PEAK3: variants seen among roughly 807,000 people sequenced by gnomAD.
The protein encoded by PEAK3 is PEAK family member 3, also known as protein PEAK3.
In PEAK3, 15 loss-of-function variants were observed where a neutral mutation model predicts 13.3. The ratio of observed to expected loss-of-function variants is 1.13; its 90% confidence interval spans 0.75 to 1.73. PEAK3 has a LOEUF of 1.73. Ranked by LOEUF, PEAK3 falls within the 40% of genes most tolerant of loss-of-function variation. The probability of loss-of-function intolerance (pLI) is 0.00; values close to 1 mark genes in which losing one functional copy is unlikely to be tolerated. For synonymous variants in PEAK3, 347 were observed against 341.9 expected, an observed-to-expected ratio of 1.01 and a Z score of -0.17; for missense variants, 739 against 690.2, an observed-to-expected ratio of 1.07 and a Z score of -0.79.
chr19:2,279,125 G>T lies in PEAK3; in HGVS notation c.83-12C>A, dbSNP rs974152923. On this transcript the variant is annotated splice_polypyrimidine_tract_variant and intron_variant, in intron 2 of 3. Transcript: ENST00000342063. Reference sequence around the variant, plus strand: ...GGCACGGATCTGACCTGCAGGGAGAGACAGTGGGGGAGGGTTGAGGACAGG... The same window carrying T: ...GGCACGGATCTGACCTGCAGGGAGATACAGTGGGGGAGGGTTGAGGACAGG... The T allele has an allele frequency of 1.4e-6, 2 of 1,426,714 alleles. No homozygotes were observed. Among genetic ancestry groups the T allele is most frequent in the African/African-American group, 2.9e-5 (2 of 69,300 alleles). The allele number at this position is 1,426,714 out of a possible 1,614,324, so 88.4% of individuals were successfully genotyped here.
chr19:2,280,628 G>T (rs1348218621), intron 2 of PEAK3, among the ~76,000 whole-genome samples: 2 of 152,164 alleles, frequency 1.3e-5, no homozygotes, highest in Non-Finnish European at 2.9e-5. Flanking sequence ...GGGATTACAG[G>T]CGTGAGCCAC....
chr19:2,278,740 C>T lies in PEAK3; in HGVS notation c.456G>A (p.Arg152=). ...GGCCCCCCATGAGCCGGGCACGGAG[C>T]CGGGCATAGATGGTACGGAGGCCCT... The part of the protein sequence containing the change: ...QLQGLRTIYA[R]LRARLMGGHP... The change falls in exon 3 of 4, where the codon CGG becomes CGA. Residue 152 remains arginine, a synonymous_variant. Transcript: ENST00000342063. 3 of 1,537,832 alleles carry T rather than the reference C, an allele frequency of 2.0e-6. No homozygotes were observed. The highest frequency in any genetic ancestry group is 2.6e-6 in the Non-Finnish European group (3 of 1,139,196).
Position 2,278,847 on chromosome 19 carries a change from C to CT in PEAK3, c.348_349insA (p.Ala117SerfsTer2). On this transcript the variant is annotated frameshift_variant, in exon 3 of 4. Coordinates refer to ENST00000342063, the MANE Select transcript of PEAK3 (RefSeq NM_198532.3). LOFTEE classifies it high-confidence loss of function. ...AGGGAGAGGCCCAGTGGGGCGTCAG[C>CT]CGGGCCAAAGGTCAGCTCTGCAGGG... The CT allele has an allele frequency of 6.3e-7, 1 of 1,596,916 alleles. No homozygotes were observed. Among genetic ancestry groups the CT allele is most frequent in the Non-Finnish European group, 8.5e-7 (1 of 1,172,114 alleles).
At chr19:2,281,207 G>T (rs1370247435) in intron 1 of PEAK3, among the ~76,000 whole-genome samples, 3 of 150,352 alleles carry the variant, frequency 2.0e-5, no homozygotes, top group African/African-American at 7.4e-5. Context: ...GTGTGATCCC[G>T]AGTGGGTTTC....
rs762805929 is a variant in PEAK3, at chr19:2,278,846, G to C, written c.350C>G (p.Ala117Gly). 1 of 1,597,636 alleles carries C rather than the reference G, an allele frequency of 6.3e-7. No homozygotes were observed. Among genetic ancestry groups the C allele is most frequent in the Admixed American group, 1.7e-5 (1 of 57,438 alleles). The change falls in exon 3 of 4, where the codon GCT becomes GGT. Residue 117 changes from alanine to glycine, a missense_variant. Ala to Gly is a moderately conservative substitution (Grantham distance 60). Transcript: ENST00000342063. ...GAGGGAGAGGCCCAGTGGGGCGTCAGCCGGGCCAAAGGTCAGCTCTGCAGG... is the reference window on the plus strand; with the variant it reads ...GAGGGAGAGGCCCAGTGGGGCGTCACCCGGGCCAAAGGTCAGCTCTGCAGG... ...CLPAELTFGP[A>G]DAPLGLSLRD...
At chr19:2,280,507 T>C (rs2025429572) in intron 2 of PEAK3, among the ~76,000 whole-genome samples, 1 of 151,700 alleles carries the variant, frequency 6.6e-6, no homozygotes, top group African/African-American at 2.4e-5. Context: ...ACCATGTCCA[T>C]CTCATTTTTT....
intron 1 of PEAK3, 30 bp from the exon 2 acceptor site, chr19:2,280,965 G>A (rs774364690): frequency 2.1e-6 from 3 of 1,433,276 alleles, no homozygotes; most frequent in Non-Finnish European, 2.8e-6. Flanking sequence ...GGCGTGTGTG[G>A]GGTGACCGTG....
chr19:2,276,168 G>A lies in PEAK3; in HGVS notation c.934C>T (p.Leu312=), dbSNP rs2025385004. ...LVELRPENLL[L]VAPRGCATTG... is the part of the protein sequence containing the mutation. ...GTCGCACAGCCCCGAGGTGCCACCA[G>A]CAGCAAGTTCTCCGGCCGCAACTCG... Residue 312 remains leucine, a synonymous_variant, in exon 4 of 4, where the codon CTG becomes TTG. Transcript: ENST00000342063. 6.5e-7 allele frequency: 1 copy of A among 1,547,728 alleles called. No homozygotes were observed. The highest frequency in any genetic ancestry group is 2.4e-5 in the East Asian group (1 of 40,958).
At chr19:2,280,187 C>T (rs910775970) in intron 2 of PEAK3, among the ~76,000 whole-genome samples, 2 of 151,300 alleles carry the variant, frequency 1.3e-5, no homozygotes. Context: ...CTCAGCCTCC[C>T]GAGTAGCTGG....
chr19:2,277,812 G>A (rs550893675), intron 3 of PEAK3, among the ~76,000 whole-genome samples: 8 of 150,028 alleles, frequency 5.3e-5, no homozygotes, highest in South Asian at 2.1e-4. Context: ...TGATCTGCCC[G>A]CCTTGGCCTT....
intron 2 of PEAK3, 105 bp downstream of exon 2, chr19:2,280,745 T>C: frequency 1.1e-6 from 1 of 872,236 alleles, no homozygotes; most frequent in Non-Finnish European, 1.8e-6. Flanking sequence ...GAGGCCATGG[T>C]GCCCGGCAAC....
intron 2 of PEAK3, 30 bp downstream of exon 2, chr19:2,280,820 C>A: frequency 6.3e-7 from 1 of 1,584,182 alleles, no homozygotes. Flanking sequence ...TGCACCCCCG[C>A]AGCCCAGGGC....
intron 3 of PEAK3, among the ~76,000 whole-genome samples, chr19:2,278,162 CTTTTTCTT>C: frequency 7.3e-6 from 1 of 137,152 alleles, no homozygotes; most frequent in African/African-American, 2.7e-5. Flanking sequence ...TGTGCCCGGC[CTTTTTCTT>C]TTTTTTTTTT....
rs1015568287 is a variant in PEAK3 at position 2,279,100 on chromosome 19, G to A, written c.96C>T (p.Ala32=). ...PTYSNLGQIR[A]HLLPSKACRL... is the part of the protein sequence containing the mutation. ...GGCAGGCCTTGGAGGGCAGCAGGTGGGCACGGATCTGACCTGCAGGGAGAG... is the reference window on the plus strand; with the variant it reads ...GGCAGGCCTTGGAGGGCAGCAGGTGAGCACGGATCTGACCTGCAGGGAGAG... The change falls in exon 3 of 4, where the codon GCC becomes GCT. Residue 32 remains alanine (A), a synonymous_variant. Transcript: ENST00000342063. 1 of 1,453,586 alleles carries A rather than the reference G, an allele frequency of 6.9e-7. No homozygotes were observed. The highest frequency in any genetic ancestry group is 1.4e-5 in the African/African-American group (1 of 70,074). 90.0% of individuals were successfully genotyped at this position (1,453,586 alleles called of 1,614,324 possible).
intron 2 of PEAK3, 74 bp from the exon 3 acceptor site, chr19:2,279,187 C>A: frequency 8.0e-7 from 1 of 1,247,976 alleles, no homozygotes; most frequent in Non-Finnish European, 1.0e-6. Flanking sequence ...CACCTCTCAG[C>A]CTCGGTTTCC....
chr19:2,278,462 C>T (rs531701820), intron 3 of PEAK3, 122 bp downstream of exon 3: 52 of 1,174,156 alleles, frequency 4.4e-5, no homozygotes, highest in Non-Finnish European at 5.6e-5. Context: ...CGCCCGGCTC[C>T]AGTATTTCTT....
chr19:2,276,205 GC>G lies in PEAK3; in HGVS notation c.896del (p.Gly299AlafsTer4). On this transcript the variant is annotated frameshift_variant, in exon 4 of 4. Coordinates refer to ENST00000342063, the MANE Select transcript of PEAK3 (RefSeq NM_198532.3). LOFTEE classifies it low-confidence loss of function (END_TRUNC). ...CCGGCCGCAACTCGACTAGGGCCGC[GC>G]CCCACGCCTCCAGGAACTTCAGGGC... is the stretch of plus-strand genomic sequence containing the variant. The part of the protein sequence containing the change: ...SAALKFLEAW[G>X]AALVELRPEN... The G allele has an allele frequency of 6.4e-7, 1 of 1,564,652 alleles. No individual in the cohort carries two copies. The highest frequency in any genetic ancestry group is 8.6e-7 in the Non-Finnish European group (1 of 1,159,038).
intron 3 of PEAK3, 88 bp downstream of exon 3, chr19:2,278,496 A>T (rs2025411279): frequency 1.5e-6 from 2 of 1,332,078 alleles, no homozygotes; most frequent in Admixed American, 5.5e-5. Context: ...GAACTGACTC[A>T]CAGAAAGGCC....
Position 2,275,713 on chromosome 19 carries a change from C to A in PEAK3, c.1389G>T (p.Ser463=), listed in dbSNP as rs1815326588. ...ACAGCAGCGCCAGGGCCTGGCCCATCGAGGACTCGGTGGCCTCGGCCAGGT... is the reference window on the plus strand; with the variant it reads ...ACAGCAGCGCCAGGGCCTGGCCCATAGAGGACTCGGTGGCCTCGGCCAGGT... ...CEYLAEATES[S]MGQALALLWD is the part of the protein sequence containing the mutation. Residue 463 remains serine (S), a synonymous_variant, in exon 4 of 4, where the codon TCG becomes TCT. Transcript: ENST00000342063. 6.5e-7 allele frequency: 1 copy of A among 1,541,128 alleles called. No homozygotes were observed. The highest frequency in any genetic ancestry group is 8.7e-7 in the Non-Finnish European group (1 of 1,144,466).
Sources: gnomAD v4.1 joint callset for allele counts (sites outside exome capture counted in the v4.1 genomes callset) on GRCh38, gnomAD v4.1.1 for gene constraint, MANE v1.5 for transcripts, NCBI Gene and HGNC (gene_info 2026-07-23, HGNC 2026-07-21) for gene names.